The following TUBG2 variants were observed in gnomAD, a reference collection of about 807,000 sequenced individuals.
The protein encoded by TUBG2 is tubulin gamma-2 chain.
A neutral mutation model predicts 55.1 loss-of-function variants in TUBG2; 39 were observed. The ratio of observed to expected loss-of-function variants is 0.71; its 90% CI spans 0.55 to 0.93. TUBG2 has a LOEUF of 0.93. Among genes scored for constraint, TUBG2 ranks in the 40% least tolerant of loss-of-function variants. The pLI is 0.00. For missense variants in TUBG2, 358 were observed against 599.1 expected, an observed-to-expected ratio of 0.60 and a Z score of 4.20; for synonymous variants, 223 against 241.0, an observed-to-expected ratio of 0.93 and a Z score of 0.69.
Position 42,659,422 on chromosome 17 carries a change from TC to T in TUBG2, c.-80del. On this transcript the variant is annotated 5_prime_UTR_variant, in exon 1 of 11. An upstream open reading frame in the 5' UTR loses its in-frame stop. Coordinates refer to ENST00000251412, the MANE Select transcript of TUBG2 (RefSeq NM_016437.3). The stretch of plus-strand genomic sequence containing the variant: ...GCGAAGAGAGCGCGCGCTCCCCACG[TC>T]CTGCGCTCCTGGCTGCCGGGCATTC... 1 of 1,440,010 alleles carries T rather than the reference TC, an allele frequency of 6.9e-7. No homozygotes were observed. The highest frequency in any genetic ancestry group is 9.4e-7 in the Non-Finnish European group (1 of 1,067,986). 89.2% of individuals were successfully genotyped at this position (1,440,010 alleles called of 1,614,324 possible).
Position 42,659,389 on chromosome 17 carries a change from G to A in TUBG2, c.-115G>A. On this transcript the variant is annotated 5_prime_UTR_variant, in exon 1 of 11. Coordinates refer to ENST00000251412, the MANE Select transcript of TUBG2 (RefSeq NM_016437.3). Reference sequence around the variant, plus strand: ...GCACACGCGCAGACCGAGCATCCGCGTCAAGAGGCGAAGAGAGCGCGCGCT... The same window carrying A: ...GCACACGCGCAGACCGAGCATCCGCATCAAGAGGCGAAGAGAGCGCGCGCT... The A allele has an allele frequency of 8.8e-7, 1 of 1,136,372 alleles. No individual in the cohort carries two copies. Among genetic ancestry groups the A allele is most frequent in the South Asian group, 1.6e-5 (1 of 63,560 alleles). The allele number at this position is 1,136,372 out of a possible 1,614,324, so 70.4% of individuals were successfully genotyped here.
intron 8 of TUBG2, 66 bp downstream of exon 8, chr17:42,665,893 TTC>T: frequency 6.2e-7 from 1 of 1,607,428 alleles, no homozygotes. Flanking sequence ...GCCCCAGCCT[TTC>T]TCTCTTCCCC....
intron 6 of TUBG2, among the ~76,000 whole-genome samples, chr17:42,664,802 A>G (rs2052478217): frequency 1.3e-5 from 2 of 150,838 alleles, no homozygotes; most frequent in African/African-American, 4.8e-5. Flanking sequence ...AGAGTATCTC[A>G]TGGTGCCCCA....
At chr17:42,662,855 C>A in intron 4 of TUBG2, 118 bp from the exon 5 acceptor site, 1 of 898,354 alleles carries the variant, frequency 1.1e-6, no homozygotes, top group Non-Finnish European at 1.8e-6. Context: ...CTGGCATCTA[C>A]TGTAGAATTG....
Position 42,666,169 on chromosome 17 carries a change from G to A in TUBG2, c.926G>A (p.Arg309Gln), listed in dbSNP as rs770223384. 12 of 1,613,834 alleles carry A rather than the reference G, an allele frequency of 7.4e-6. No homozygotes were observed. Among genetic ancestry groups the A allele is most frequent in the Admixed American group, 1.7e-5 (1 of 59,998 alleles). Residue 309 changes from arginine to glutamine, a missense_variant, in exon 9 of 11, where the codon CGA (arginine) becomes CAA (glutamine). Arg to Gln is a conservative substitution (Grantham distance 43). Transcript: ENST00000251412. Reference sequence around the variant, plus strand: ...AAGAACGTGATGGTGTCCACAGGCCGAGACCGCCAGACCAACCACTGCTAC... The same window carrying A: ...AAGAACGTGATGGTGTCCACAGGCCAAGACCGCCAGACCAACCACTGCTAC... The part of the protein sequence containing the change: ...QPKNVMVSTG[R>Q]DRQTNHCYIA...
Position 42,660,267 on chromosome 17 carries a change from C to T in TUBG2, c.281C>T (p.Ser94Leu). The stretch of plus-strand genomic sequence containing the variant: ...TACAACCCAGAGAACATCTACCTGT[C>T]GGAACATGGAGGAGGAGCTGGCAAC... ...KLYNPENIYL[S>L]EHGGGAGNNW... is the part of the protein sequence containing the mutation. The change falls in exon 3 of 11, where the codon TCG becomes TTG. Residue 94 changes from serine to leucine, a missense_variant. Physicochemically the swap from Ser to Leu is moderately radical, Grantham distance 145 (BLOSUM62 -2). This residue lies in a region of TUBG2 where 32 missense variants were observed against 115.1 expected (regional missense o/e 0.28). Transcript: ENST00000251412. 1.9e-6 allele frequency: 3 copies of T among 1,614,000 alleles called. No individual in the cohort carries two copies. Among genetic ancestry groups the T allele is most frequent in the African/African-American group, 1.3e-5 (1 of 74,954 alleles).
In TUBG2 at chr17:42,665,560, C is replaced by G; in HGVS notation, c.691C>G (p.Leu231Val). The change falls in exon 7 of 11, where the codon CTG becomes GTG. Residue 231 changes from leucine to valine, a missense_variant and splice_region_variant. Leu to Val is a conservative substitution (Grantham distance 32). Coordinates refer to ENST00000251412, the MANE Select transcript of TUBG2 (RefSeq NM_016437.3). ...QNPSFSQINQ[L>V]VSTIMSASTT... ...CCCGTCCTTCTCCCAGATCAACCAG[C>G]TGGTGGGCCCCCACTCCCGGACTCC... The G allele has an allele frequency of 6.2e-7, 1 of 1,614,182 alleles. No homozygotes were observed. Among genetic ancestry groups the G allele is most frequent in the Non-Finnish European group, 8.5e-7 (1 of 1,180,030 alleles).
Position 42,665,574 on chromosome 17 carries a change from C to T in TUBG2, c.693+12C>T, listed in dbSNP as rs558257047. The T allele has an allele frequency of 1.2e-6, 2 of 1,614,162 alleles. No homozygotes were observed. Among genetic ancestry groups the T allele is most frequent in the South Asian group, 1.1e-5 (1 of 91,082 alleles). ...AGATCAACCAGCTGGTGGGCCCCCA[C>T]TCCCGGACTCCTTTGGACTGGAAGC... On this transcript the variant is annotated intron_variant, in intron 7 of 10. Transcript: ENST00000251412.
At position 42,666,900 on chromosome 17, in the gene TUBG2, G is replaced by T. The variant is rs2052562838; in HGVS notation, c.*100G>T. The T allele has an allele frequency of 2.3e-6, 3 of 1,323,910 alleles. No homozygotes were observed. The highest frequency in any genetic ancestry group is 2.0e-5 in the Admixed American group (1 of 50,318). The allele number at this position is 1,323,910 out of a possible 1,614,324, so 82.0% of individuals were successfully genotyped here. A position where few individuals can be genotyped will look rare whatever the true frequency, so the allele number is the denominator to read the frequency against. On this transcript the variant is annotated 3_prime_UTR_variant, in exon 11 of 11. Coordinates refer to ENST00000251412, the MANE Select transcript of TUBG2 (RefSeq NM_016437.3). ...CTTCACCTCATGGACAACCCTTCTTGGTTCATCTCCAGCCCGTGAGCTGGT... is the reference window on the plus strand; with the variant it reads ...CTTCACCTCATGGACAACCCTTCTTTGTTCATCTCCAGCCCGTGAGCTGGT...
rs55953483 is a variant in TUBG2 at position 42,659,317 on chromosome 17, G to A, written c.-187G>A. Reference sequence around the variant, plus strand: ...TGCGACTGCTGAGGGAGAAAATGATGCCCAGGTTGGGCTCCCCGGCCCACC... The same window carrying A: ...TGCGACTGCTGAGGGAGAAAATGATACCCAGGTTGGGCTCCCCGGCCCACC... On this transcript the variant is annotated 5_prime_UTR_variant, in exon 1 of 11. It removes an upstream start codon present in the reference 5' UTR. Transcript: ENST00000251412. 20 of 551,338 alleles carry A rather than the reference G, an allele frequency of 3.6e-5. No individual in the cohort carries two copies. The highest frequency in any genetic ancestry group is 5.3e-5 in the Non-Finnish European group (17 of 321,344). 34.2% of individuals were successfully genotyped at this position (551,338 alleles called of 1,614,324 possible).
At chr17:42,663,288 C>A in intron 5 of TUBG2, 89 bp from the exon 6 acceptor site, 1 of 1,573,610 alleles carries the variant, frequency 6.4e-7, no homozygotes, top group Non-Finnish European at 8.7e-7. Context: ...CTCAGTTCTG[C>A]CCTCACCCCT....
rs2052326313 is a variant in TUBG2 at position 42,659,351 on chromosome 17, A to G, written c.-153A>G. 2.8e-6 allele frequency: 2 copies of G among 723,344 alleles called. No individual in the cohort carries two copies. Among genetic ancestry groups the G allele is most frequent in the South Asian group, 2.1e-5 (1 of 46,540 alleles). 44.8% of individuals were successfully genotyped at this position (723,344 alleles called of 1,614,324 possible). ...GGGCTCCCCGGCCCACCGGCCGAGG[A>G]GAGGCCTGCGCTGCACACGCGCAGA... On this transcript the variant is annotated 5_prime_UTR_variant, in exon 1 of 11. Transcript: ENST00000251412.
At chr17:42,659,644 T>A (rs1341770372) in intron 1 of TUBG2, 92 bp downstream of exon 1, 5 of 1,420,258 alleles carry the variant, frequency 3.5e-6, no homozygotes, top group Non-Finnish European at 3.8e-6. Context: ...CCCTTTCCCT[T>A]CCATGAACCC....
intron 4 of TUBG2, 26 bp from the exon 5 acceptor site, chr17:42,662,947 G>A (rs1270282249): frequency 6.2e-7 from 1 of 1,607,670 alleles, no homozygotes; most frequent in South Asian, 1.1e-5. Flanking sequence ...GAGAAACTGA[G>A]TCTGTTTATT....
chr17:42,666,566 C>T (rs2292749), intron 10 of TUBG2, 37 bp from the exon 11 acceptor site: 485,781 of 1,613,696 alleles, frequency 0.3, 76,067 homozygotes, highest in South Asian at 0.46. Flanking sequence ...ACTCCTAACC[C>T]CCTGGCTCGC....
At chr17:42,661,992 G>T (rs992343168) in intron 4 of TUBG2, among the ~76,000 whole-genome samples, 1 of 152,172 alleles carries the variant, frequency 6.6e-6, no homozygotes, top group Admixed American at 6.5e-5. Flanking sequence ...GGGTTTATCA[G>T]GATGTAAACA....
intron 6 of TUBG2, among the ~76,000 whole-genome samples, 200 bp from the exon 7 acceptor site, chr17:42,665,276 T>C (rs1306697900): frequency 6.6e-6 from 1 of 152,036 alleles, no homozygotes; most frequent in Non-Finnish European, 1.5e-5. Flanking sequence ...CTCGATCTCC[T>C]GACCTTGTGA....
At chr17:42,660,772 A>G in intron 4 of TUBG2, 65 bp downstream of exon 4, 2 of 1,464,086 alleles carry the variant, frequency 1.4e-6, no homozygotes, top group Non-Finnish European at 1.9e-6. Flanking sequence ...ACAGGTCAGG[A>G]GGTGGCCTGG....
chr17:42,659,757 G>A, intron 1 of TUBG2, 77 bp from the exon 2 acceptor site: 1 of 1,572,164 alleles, frequency 6.4e-7, no homozygotes, highest in Admixed American at 1.8e-5. Context: ...CTCTGATCGT[G>A]TCAGCCTCTG....
Sources: gnomAD v4.1 joint callset for allele counts (sites outside exome capture counted in the v4.1 genomes callset) on GRCh38, gnomAD v4.1.1 for gene constraint, gnomAD v4.1.1 regional missense constraint, MANE v1.5 for transcripts, NCBI Gene and HGNC (gene_info 2026-07-23, HGNC 2026-07-21) for gene names.